Variants in DIXDC1 observed in about 807,000 individuals in gnomAD.
DIXDC1 encodes DIX domain containing 1.
DIXDC1 carries 64 observed loss-of-function variants against 103.1 expected under a neutral mutation model. The observed-to-expected ratio is 0.62, with a 90% CI of 0.51 to 0.76. DIXDC1 has a LOEUF of 0.76. Among genes scored for constraint, DIXDC1 ranks in the 30% least tolerant of loss-of-function variants. The probability of loss-of-function intolerance (pLI) is 0.00; values close to 1 mark genes in which losing one functional copy is unlikely to be tolerated. For synonymous variants in DIXDC1, 266 were observed against 298.5 expected, an observed-to-expected ratio of 0.89 and a Z score of 1.12; for missense variants, 759 against 834.2, an observed-to-expected ratio of 0.91 and a Z score of 1.11.
chr11:112,003,117 G>A (rs940988211), intron 17 of DIXDC1, among the ~76,000 whole-genome samples: 2 of 152,146 alleles, frequency 1.3e-5, no homozygotes, highest in Non-Finnish European at 2.9e-5. Context: ...AGAGAGGTTG[G>A]TTAATGGATA....
At chr11:112,001,754 ATT>A (rs587718870) in intron 17 of DIXDC1, among the ~76,000 whole-genome samples, 17 of 134,028 alleles carry the variant, frequency 1.3e-4, no homozygotes, top group Admixed American at 2.3e-4. Flanking sequence ...TTCAGCTGAG[ATT>A]TTTTTTTTTT....
chr11:112,007,118 T>C (rs1198595757), intron 17 of DIXDC1, among the ~76,000 whole-genome samples: 2 of 152,120 alleles, frequency 1.3e-5, no homozygotes, highest in South Asian at 2.1e-4. Flanking sequence ...TTAAATGACC[T>C]GATGGAGCTG....
intron 10 of DIXDC1, among the ~76,000 whole-genome samples, chr11:111,992,135 G>C (rs1555174592): frequency 6.6e-6 from 1 of 152,200 alleles, no homozygotes; most frequent in African/African-American, 2.4e-5. Context: ...ACACCATGCT[G>C]TCAGGATTGA....
At chr11:111,936,989 GTGTGTGTGTA>G (rs1445273031), upstream of DIXDC1, among the ~76,000 whole-genome samples, 2 of 147,228 alleles carry the variant, frequency 1.4e-5, no homozygotes, top group African/African-American at 2.6e-5. Flanking sequence ...TTGTCAACGT[GTGTGTGTGTA>G]TGTGTGTATG....
chr11:111,975,083 C>T, intron 5 of DIXDC1, 100 bp downstream of exon 5: 2 of 1,529,948 alleles, frequency 1.3e-6, no homozygotes, highest in Admixed American at 2.0e-5. Flanking sequence ...CCCTTTTTCT[C>T]CCCTCAGTTT....
chr11:111,995,552 A>G lies in DIXDC1; in HGVS notation c.1677A>G (p.Lys559=), dbSNP rs781787286. Reference sequence around the variant, plus strand: ...TGCATGTTATGGAGACGCAGAAGAAACAAGAAAGAAAGGTAACCCTCTTGC... The same window carrying G: ...TGCATGTTATGGAGACGCAGAAGAAGCAAGAAAGAAAGGTAACCCTCTTGC... ...ERLHVMETQK[K]QERKVRVKSP... The change falls in exon 16 of 20, where the codon AAA becomes AAG. Residue 559 remains lysine (K), a synonymous_variant. Coordinates refer to ENST00000440460, the MANE Select transcript of DIXDC1 (RefSeq NM_001037954.4). The G allele has an allele frequency of 3.7e-6, 6 of 1,613,872 alleles. No individual in the cohort carries two copies. Among genetic ancestry groups the G allele is most frequent in the Non-Finnish European group, 5.1e-6 (6 of 1,179,904 alleles).
rs1056221639 is a variant in DIXDC1, at chr11:112,021,649, C to T, written c.*2613C>T. ...AAACAAAATGACCATCTCACAAAAA[C>T]GAGTTTAGTTGAATGCTCAATTCCT... On this transcript the variant is annotated 3_prime_UTR_variant, in exon 20 of 20. Coordinates refer to ENST00000440460, the MANE Select transcript of DIXDC1 (RefSeq NM_001037954.4). 3.3e-5 allele frequency: 5 copies of T among 152,140 alleles called. No homozygotes were observed. Among genetic ancestry groups the T allele is most frequent in the Non-Finnish European group, 7.3e-5 (5 of 68,036 alleles). 9.4% of individuals were successfully genotyped at this position (152,140 alleles called of 1,614,324 possible). A position where few individuals can be genotyped will look rare whatever the true frequency, so the allele number is the denominator to read the frequency against.
chr11:111,937,621 C>T (rs1178317114), intron 1 of DIXDC1, 62 bp downstream of exon 1: 39 of 1,506,168 alleles, frequency 2.6e-5, no homozygotes, highest in South Asian at 3.6e-5. Context: ...GCCCAGTCTC[C>T]GGAAGGGGTC....
intron 1 of DIXDC1, among the ~76,000 whole-genome samples, chr11:111,941,663 A>C (rs1555168855): frequency 2.6e-5 from 4 of 151,966 alleles, no homozygotes; most frequent in Admixed American, 6.6e-5. Context: ...AGTTAAAAAA[A>C]AAATGAGCTG....
chr11:111,967,351 G>T (rs1287390737), intron 2 of DIXDC1, among the ~76,000 whole-genome samples: 4 of 152,120 alleles, frequency 2.6e-5, no homozygotes, highest in African/African-American at 9.7e-5. Flanking sequence ...CATTTGCCTA[G>T]GTGTTAAAGC....
In DIXDC1 at chr11:111,974,416, C is replaced by A. The variant is rs1419166463; in HGVS notation, c.548+162C>A. 3 of 657,646 alleles carry A rather than the reference C, an allele frequency of 4.6e-6. No homozygotes were observed. The East Asian group carries it at 8.4e-5, about 19-fold the overall frequency. The allele number at this position is 657,646 out of a possible 1,614,324, so 40.7% of individuals were successfully genotyped here. ...GGAGGGCACTCTCAAAAGAGAAAAG[C>A]CTTTTCTTCTGAGATGTTTATTTTT... is the stretch of plus-strand genomic sequence containing the variant. On this transcript the variant is annotated intron_variant, in intron 4 of 19. Coordinates refer to ENST00000440460, the MANE Select transcript of DIXDC1 (RefSeq NM_001037954.4).
rs968424693 is a variant in DIXDC1 at position 111,951,552 on chromosome 11, G to T, written c.61-12997G>T. Among the ~76,000 whole-genome samples the T allele has an allele frequency of 1.3e-5, 2 of 152,112 alleles. 1 individual carries two copies. Among genetic ancestry groups the T allele is most frequent in the Non-Finnish European group, 2.9e-5 (2 of 68,024 alleles). On this transcript the variant is annotated intron_variant, in intron 1 of 19. Coordinates refer to ENST00000440460, the MANE Select transcript of DIXDC1 (RefSeq NM_001037954.4). ...ACTAATATTATTTATGAATATCCAT[G>T]AGATTTGGGAGTGGCCAGGGGCCCC... is the stretch of plus-strand genomic sequence containing the variant.
At chr11:111,956,523 C>G (rs1323554701) in intron 1 of DIXDC1, among the ~76,000 whole-genome samples, 1 of 152,092 alleles carries the variant, frequency 6.6e-6, no homozygotes, top group Non-Finnish European at 1.5e-5. Flanking sequence ...GAGTTTCACT[C>G]TTGTTGTCCA....
intron 2 of DIXDC1, among the ~76,000 whole-genome samples, 179 bp from the exon 3 acceptor site, chr11:111,968,333 CA>C (rs1243289199): frequency 6.6e-6 from 1 of 152,180 alleles, no homozygotes; most frequent in African/African-American, 2.4e-5. Flanking sequence ...GAAAGCCTTC[CA>C]AAAGGCTTTC....
intron 2 of DIXDC1, among the ~76,000 whole-genome samples, chr11:111,967,654 A>C (rs1422471966): frequency 6.6e-6 from 1 of 151,392 alleles, no homozygotes; most frequent in Non-Finnish European, 1.5e-5. Flanking sequence ...CTAGTCTTGA[A>C]CTCCTGGGCT....
upstream of DIXDC1, chr11:111,937,131 C>CGGGGGGG (rs782420161): frequency 2.4e-6 from 1 of 419,174 alleles, no homozygotes; most frequent in African/African-American, 5.9e-5. Context: ...GCGGCCCGGG[C>CGGGGGGG]GGGGGGGGGG....
intron 2 of DIXDC1, among the ~76,000 whole-genome samples, chr11:111,964,910 C>A (rs142281032): frequency 9.6e-4 from 146 of 152,276 alleles, no homozygotes; most frequent in African/African-American, 3.1e-3. Context: ...ATAGTCCATG[C>A]TCTCAAGAGT....
rs1414420494 is a variant in DIXDC1 at position 111,976,154 on chromosome 11, A to G, written c.656+1171A>G. Reference sequence around the variant, plus strand: ...ATCATTTCTTCCTTGCTTGCTGCTTAGGTTATCACCTGGAGCGGAATTACA... The same window carrying G: ...ATCATTTCTTCCTTGCTTGCTGCTTGGGTTATCACCTGGAGCGGAATTACA... On this transcript the variant is annotated intron_variant, in intron 5 of 19. Coordinates refer to ENST00000440460, the MANE Select transcript of DIXDC1 (RefSeq NM_001037954.4). The surrounding 1 kb of genome is among the most constrained non-coding windows in gnomAD (Gnocchi z 4.3). Among the ~76,000 whole-genome samples, 5 of 152,172 alleles carry G rather than the reference A, an allele frequency of 3.3e-5. No homozygotes were observed. Among genetic ancestry groups the G allele is most frequent in the African/African-American group, 1.2e-4 (5 of 41,434 alleles).
chr11:111,977,568 GC>G lies in DIXDC1; in HGVS notation c.656+2586del. On this transcript the variant is annotated intron_variant, in intron 5 of 19. Coordinates refer to ENST00000440460, the MANE Select transcript of DIXDC1 (RefSeq NM_001037954.4). This position sits in a 1 kb window ranked among gnomAD's most constrained non-coding sequence, Gnocchi z 6.1. ...CTTCAGAGCCTGGAGCATCCCAGTC[GC>G]TGGGGCCGAGACGCCGCCGCCGCCG... The G allele has an allele frequency of 6.7e-7, 1 of 1,488,944 alleles. No individual in the cohort carries two copies. 92.2% of individuals were successfully genotyped at this position (1,488,944 alleles called of 1,614,324 possible).
Sources: gnomAD v4.1 joint callset for allele counts (sites outside exome capture counted in the v4.1 genomes callset) on GRCh38, gnomAD v4.1.1 for gene constraint, Gnocchi (gnomAD v3.1) non-coding constraint, MANE v1.5 for transcripts, NCBI Gene and HGNC (gene_info 2026-07-23, HGNC 2026-07-21) for gene names.